Variants in ARHGAP24 observed in about 807,000 individuals in gnomAD.
The protein encoded by ARHGAP24 is Rho GTPase activating protein 24.
A neutral mutation model predicts 76.4 loss-of-function variants in ARHGAP24; 50 were observed. The ratio of observed to expected loss-of-function variants is 0.65; its 90% CI spans 0.52 to 0.83. The LOEUF (loss-of-function observed/expected upper bound fraction) is 0.83, where lower values mean the gene tolerates loss of function less well. ARHGAP24 is among the 40% of genes least tolerant of loss of function. The pLI is 0.00. For synonymous variants in ARHGAP24, 345 were observed against 323.3 expected, an observed-to-expected ratio of 1.07 and a Z score of -0.72; for missense variants, 930 against 914.2, an observed-to-expected ratio of 1.02 and a Z score of -0.22.
intron 3 of ARHGAP24, among the ~76,000 whole-genome samples, chr4:85,771,265 G>A (rs1457568112): frequency 6.6e-6 from 1 of 152,206 alleles, no homozygotes; most frequent in Non-Finnish European, 1.5e-5. Flanking sequence ...AAACCTAGTG[G>A]TATAGTTCCA....
intron 3 of ARHGAP24, among the ~76,000 whole-genome samples, chr4:85,849,930 C>G (rs1363309344): frequency 6.6e-6 from 1 of 152,064 alleles, no homozygotes; most frequent in Non-Finnish European, 1.5e-5. Context: ...GTTTCTCTGC[C>G]AGACTTTGGT....
At chr4:85,868,269 G>C (rs987333357) in intron 3 of ARHGAP24, among the ~76,000 whole-genome samples, 2 of 152,068 alleles carry the variant, frequency 1.3e-5, no homozygotes, top group African/African-American at 4.8e-5. Flanking sequence ...TTAAGGTAAG[G>C]GTTGTGGAAG....
intron 1 of ARHGAP24, among the ~76,000 whole-genome samples, chr4:85,493,439 C>G (rs746395216): frequency 8.5e-5 from 13 of 152,210 alleles, no homozygotes; most frequent in Non-Finnish European, 1.6e-4. Flanking sequence ...CCTTACCCCC[C>G]ACTTACTTAC....
intron 2 of ARHGAP24, among the ~76,000 whole-genome samples, chr4:85,698,266 T>G (rs1723942610): frequency 6.6e-6 from 1 of 152,178 alleles, no homozygotes; most frequent in South Asian, 2.1e-4. Context: ...GCTGGACCCA[T>G]GGAAGGTTGG....
At chr4:85,798,049 TC>T (rs1560638606) in intron 3 of ARHGAP24, among the ~76,000 whole-genome samples, 1 of 108,826 alleles carries the variant, frequency 9.2e-6, no homozygotes, top group Non-Finnish European at 1.9e-5. Context: ...CTTAGTCAAA[TC>T]CCTTGAGTTT....
At chr4:85,496,880 A>C (rs190939053) in intron 1 of ARHGAP24, among the ~76,000 whole-genome samples, 67 of 152,346 alleles carry the variant, frequency 4.4e-4, no homozygotes, top group African/African-American at 1.6e-3. Context: ...TCCCGCCAAC[A>C]AAATACAGAG....
At chr4:85,997,120 G>A (rs1308681882) in intron 9 of ARHGAP24, among the ~76,000 whole-genome samples, 2 of 152,142 alleles carry the variant, frequency 1.3e-5, no homozygotes, top group Non-Finnish European at 2.9e-5. Context: ...GTGGAGGGTG[G>A]GGGACCGCTC....
intron 1 of ARHGAP24, among the ~76,000 whole-genome samples, chr4:85,553,151 G>T (rs142760900): frequency 6.6e-6 from 1 of 151,576 alleles, no homozygotes; most frequent in African/African-American, 2.4e-5. Flanking sequence ...TTGTGGTCTC[G>T]CTGGCTTCAG....
intron 2 of ARHGAP24, among the ~76,000 whole-genome samples, chr4:85,653,392 C>A (rs1029643470): frequency 6.6e-6 from 1 of 152,114 alleles, no homozygotes; most frequent in South Asian, 2.1e-4. Context: ...ATGAAAATAG[C>A]ATAAGTAAAT....
rs542858394 is a variant in ARHGAP24 at position 85,923,545 on chromosome 4, G to A, written c.269-103G>A. ...TTCATCATTGGGTAGAACTTAGTGC[G>A]GGCTGTATTAGGCACAGTCTCTGTT... On this transcript the variant is annotated intron_variant, in intron 3 of 9. Transcript: ENST00000395184. 41 of 1,501,186 alleles carry A rather than the reference G, an allele frequency of 2.7e-5. No homozygotes were observed. The African/African-American group carries it at 4.5e-4, about 17-fold the overall frequency. The allele number at this position is 1,501,186 out of a possible 1,614,324, so 93.0% of individuals were successfully genotyped here. A position where few individuals can be genotyped will look rare whatever the true frequency, so the allele number is the denominator to read the frequency against.
intron 3 of ARHGAP24, among the ~76,000 whole-genome samples, chr4:85,884,409 T>C (rs1356819241): frequency 1.2e-4 from 18 of 152,200 alleles, no homozygotes; most frequent in Non-Finnish European, 7.3e-5. Flanking sequence ...AGCCCTTTGT[T>C]GTGAGGGGAC....
chr4:85,519,523 T>C (rs1724654270), intron 1 of ARHGAP24, among the ~76,000 whole-genome samples: 1 of 152,072 alleles, frequency 6.6e-6, no homozygotes, highest in Admixed American at 6.6e-5. Flanking sequence ...TAATGAGAGC[T>C]TGGAAGTGGG....
chr4:85,809,774 G>T (rs781205165), intron 3 of ARHGAP24, among the ~76,000 whole-genome samples: 1 of 152,188 alleles, frequency 6.6e-6, no homozygotes, highest in Admixed American at 6.5e-5. Context: ...AGGGGTAGAT[G>T]TCCAGGACAG....
intron 1 of ARHGAP24, among the ~76,000 whole-genome samples, chr4:85,525,077 A>G (rs1724927126): frequency 6.6e-6 from 1 of 152,106 alleles, no homozygotes; most frequent in South Asian, 2.1e-4. Flanking sequence ...AGAGTCCAAC[A>G]TAGTTTAGTT....
intron 2 of ARHGAP24, among the ~76,000 whole-genome samples, chr4:85,687,069 G>T (rs1723449396): frequency 6.6e-6 from 1 of 151,932 alleles, no homozygotes; most frequent in Admixed American, 6.6e-5. Flanking sequence ...GCTAATTAGA[G>T]ATTCAAGAAA....
intron 3 of ARHGAP24, among the ~76,000 whole-genome samples, chr4:85,923,304 CTCTG>C (rs993720257): frequency 6.6e-6 from 1 of 152,162 alleles, no homozygotes; most frequent in African/African-American, 2.4e-5. Context: ...TTTCCACCTT[CTCTG>C]TCTTTCATTT....
chr4:85,572,540 A>G (rs1478106163), intron 2 of ARHGAP24, among the ~76,000 whole-genome samples: 2 of 152,168 alleles, frequency 1.3e-5, no homozygotes, highest in Admixed American at 6.5e-5. Context: ...AAAGTTGAAA[A>G]TATATATTTT....
intron 3 of ARHGAP24, among the ~76,000 whole-genome samples, chr4:85,815,334 G>A (rs759545207): frequency 2.0e-5 from 3 of 152,084 alleles, no homozygotes; most frequent in Non-Finnish European, 4.4e-5. Context: ...ACATTGTCAG[G>A]CTGCAAATCT....
At chr4:85,555,996 A>G (rs1464846273) in intron 1 of ARHGAP24, among the ~76,000 whole-genome samples, 1 of 152,126 alleles carries the variant, frequency 6.6e-6, no homozygotes, top group Non-Finnish European at 1.5e-5. Context: ...TACCACTGCA[A>G]TGGCAGTGGC....
Sources: gnomAD v4.1 joint callset for allele counts (sites outside exome capture counted in the v4.1 genomes callset) on GRCh38, gnomAD v4.1.1 for gene constraint, MANE v1.5 for transcripts, NCBI Gene and HGNC (gene_info 2026-07-23, HGNC 2026-07-21) for gene names.